The following SYNPO2 variants were observed in gnomAD, a reference collection of about 807,000 sequenced individuals.
SYNPO2 encodes synaptopodin 2.
Under a neutral mutation model 85.0 loss-of-function variants are expected in SYNPO2, and 56 were observed. The ratio of observed to expected loss-of-function variants is 0.66; its 90% CI spans 0.53 to 0.82. SYNPO2 has a LOEUF of 0.82. Ranked by LOEUF, SYNPO2 falls within the 40% of genes least tolerant of loss-of-function variation. The pLI, the probability that SYNPO2 is intolerant of heterozygous loss-of-function variation, is 0.00. For synonymous variants in SYNPO2, 602 were observed against 591.1 expected (o/e 1.02, Z -0.27); for missense variants, 1,575 against 1,534.2 (o/e 1.03, Z -0.44).
chr4:118,988,057 C>T (rs1424738799), intron 1 of SYNPO2, among the ~76,000 whole-genome samples: 1 of 152,160 alleles, frequency 6.6e-6, no homozygotes, highest in Admixed American at 6.5e-5. Flanking sequence ...TCAAACATAA[C>T]AACATGTTTT....
intron 1 of SYNPO2, among the ~76,000 whole-genome samples, chr4:118,944,326 C>T (rs1011474236): frequency 6.6e-6 from 1 of 152,160 alleles, no homozygotes; most frequent in African/African-American, 2.4e-5. Flanking sequence ...GAAACTCATA[C>T]TTCTTGGGAA....
Position 119,023,483 on chromosome 4 carries a change from G to T in SYNPO2, c.159G>T (p.Val53=). The T allele has an allele frequency of 6.2e-7, 1 of 1,613,836 alleles. No homozygotes were observed. Among genetic ancestry groups the T allele is most frequent in the Non-Finnish European group, 8.5e-7 (1 of 1,179,858 alleles). ...SGSGLCEGDE[V]VSINGNPCAD... ...CTGGGCTCTGTGAGGGAGATGAAGTGGTTTCCATCAATGGCAACCCTTGTG... is the reference window on the plus strand; with the variant it reads ...CTGGGCTCTGTGAGGGAGATGAAGTTGTTTCCATCAATGGCAACCCTTGTG... Residue 53 remains valine, a synonymous_variant, in exon 2 of 5, where the codon GTG becomes GTT. Coordinates refer to ENST00000307142, the MANE Select transcript of SYNPO2 (RefSeq NM_133477.3).
At chr4:118,888,134 T>C (rs1262845561), upstream of SYNPO2, among the ~76,000 whole-genome samples, 5 of 151,982 alleles carry the variant, frequency 3.3e-5, no homozygotes, top group African/African-American at 7.3e-5. Context: ...TGACTAACTG[T>C]TGGGTTTGGG....
At chr4:118,924,406 A>G (rs1304489433) in intron 1 of SYNPO2, among the ~76,000 whole-genome samples, 1 of 152,196 alleles carries the variant, frequency 6.6e-6, no homozygotes, top group Non-Finnish European at 1.5e-5. Context: ...CAGAATTATG[A>G]GCATTCTGAG....
At chr4:118,914,098 AG>A (rs1382226826) in intron 1 of SYNPO2, among the ~76,000 whole-genome samples, 1 of 152,206 alleles carries the variant, frequency 6.6e-6, no homozygotes, top group Non-Finnish European at 1.5e-5. Context: ...GGGTCAGGAG[AG>A]GAGTGGACAG....
chr4:119,057,393 GT>G lies in SYNPO2; in HGVS notation c.3253-3del. ...AATGAGATATATTAATATTTTCATT[GT>G]TTTTAGGAGAGTGGGCGCTCCCTTT... On this transcript the variant is annotated splice_region_variant and splice_polypyrimidine_tract_variant and intron_variant, in intron 4 of 4. Coordinates refer to ENST00000307142, the MANE Select transcript of SYNPO2 (RefSeq NM_133477.3). 6.4e-7 allele frequency: 1 copy of G among 1,562,186 alleles called. No homozygotes were observed. The highest frequency in any genetic ancestry group is 8.6e-7 in the Non-Finnish European group (1 of 1,159,750).
intron 1 of SYNPO2, among the ~76,000 whole-genome samples, chr4:118,890,330 G>C (rs1192877231): frequency 6.6e-6 from 1 of 152,144 alleles, no homozygotes; most frequent in Non-Finnish European, 1.5e-5. Context: ...TAGATGAAAA[G>C]CAGAGTTTTT....
At chr4:118,906,689 A>G (rs938580067) in intron 1 of SYNPO2, among the ~76,000 whole-genome samples, 1 of 152,156 alleles carries the variant, frequency 6.6e-6, no homozygotes, top group Non-Finnish European at 1.5e-5. Flanking sequence ...TCTTTGTTTA[A>G]AAAAGAGAAG....
intron 1 of SYNPO2, among the ~76,000 whole-genome samples, chr4:118,953,602 T>C (rs1031380753): frequency 4.7e-5 from 7 of 150,260 alleles, no homozygotes; most frequent in Admixed American, 4.6e-4. Flanking sequence ...ACTGTAGCCT[T>C]TTTTTTTTTG....
Position 118,873,954 on chromosome 4 carries a change from G to C in SYNPO2, c.12+23014G>C, listed in dbSNP as rs555442737. On this transcript the variant is annotated intron_variant, in intron 1 of 4. Transcript: ENST00000610556. ...TAAAAAGAGTGTCCTTTTCCCACCGGCATTTATTAAAAAGAGTGTCCTTTT... is the reference window on the plus strand; with the variant it reads ...TAAAAAGAGTGTCCTTTTCCCACCGCCATTTATTAAAAAGAGTGTCCTTTT... Among the ~76,000 whole-genome samples the C allele has an allele frequency of 2.0e-5, 3 of 151,774 alleles. No individual in the cohort carries two copies. In the East Asian group the frequency reaches 5.8e-4, roughly 29 times the overall value.
At chr4:118,853,629 A>G (rs1462699504) in intron 1 of SYNPO2, among the ~76,000 whole-genome samples, 1 of 148,344 alleles carries the variant, frequency 6.7e-6, no homozygotes, top group Non-Finnish European at 1.5e-5. Flanking sequence ...ATGCAGAGTC[A>G]TAACTGGTAA....
rs1262774352 is a variant in SYNPO2, at chr4:119,060,099, G to C, written c.*2165G>C. On this transcript the variant is annotated 3_prime_UTR_variant, in exon 5 of 5. Coordinates refer to ENST00000307142, the MANE Select transcript of SYNPO2 (RefSeq NM_133477.3). The stretch of plus-strand genomic sequence containing the variant: ...TGCCAGGGCCACGTTCTACTTCATT[G>C]CTTTCTTTTATAAGTGCAAGGAGTT... 1 of 152,088 alleles carries C rather than the reference G, an allele frequency of 6.6e-6. No homozygotes were observed. Among genetic ancestry groups the C allele is most frequent in the Non-Finnish European group, 1.5e-5 (1 of 67,978 alleles). The allele number at this position is 152,088 out of a possible 1,614,324, so 9.4% of individuals were successfully genotyped here. A position where few individuals can be genotyped will look rare whatever the true frequency, so the allele number is the denominator to read the frequency against.
chr4:118,884,585 A>G (rs763797165), upstream of SYNPO2, among the ~76,000 whole-genome samples: 2 of 152,182 alleles, frequency 1.3e-5, no homozygotes, highest in African/African-American at 2.4e-5. Flanking sequence ...CTACTAACCA[A>G]TGGGAAATAG....
chr4:118,919,270 T>C (rs553696941), intron 1 of SYNPO2, among the ~76,000 whole-genome samples: 1 of 152,012 alleles, frequency 6.6e-6, no homozygotes. Flanking sequence ...CCTCCCTGTC[T>C]CTCAAGCTTG....
At chr4:119,016,638 T>A (rs1316766777) in intron 1 of SYNPO2, among the ~76,000 whole-genome samples, 1 of 152,204 alleles carries the variant, frequency 6.6e-6, no homozygotes, top group African/African-American at 2.4e-5. Context: ...CAATCTTTCA[T>A]GATTTATCCA....
intron 1 of SYNPO2, among the ~76,000 whole-genome samples, chr4:118,948,366 A>G (rs1224582605): frequency 1.3e-5 from 2 of 152,256 alleles, no homozygotes; most frequent in Non-Finnish European, 2.9e-5. Flanking sequence ...GGGAATCCAT[A>G]TAAATACACA....
chr4:119,021,212 G>T (rs1183201742), intron 1 of SYNPO2, among the ~76,000 whole-genome samples: 1 of 152,082 alleles, frequency 6.6e-6, no homozygotes, highest in Non-Finnish European at 1.5e-5. Context: ...CATTGTTTTG[G>T]CTCTTAAAGG....
In SYNPO2 at chr4:119,030,116, A is replaced by T; in HGVS notation, c.1341A>T (p.Glu447Asp). The change falls in exon 4 of 5, where the codon GAA (glutamate) becomes GAT (aspartate). Residue 447 changes from glutamate (E) to aspartate (D), a missense_variant. By Grantham distance (45) the Glu-to-Asp change is conservative. Coordinates refer to ENST00000307142, the MANE Select transcript of SYNPO2 (RefSeq NM_133477.3). ...GTGCAAGCGAATCAGAGGTGGATGAAGAGTTATTGTCTGACGTTGACGACA... is the reference window on the plus strand; with the variant it reads ...GTGCAAGCGAATCAGAGGTGGATGATGAGTTATTGTCTGACGTTGACGACA... ...FLGASESEVD[E>D]ELLSDVDDNT... 1 of 1,614,166 alleles carries T rather than the reference A, an allele frequency of 6.2e-7. No homozygotes were observed.
At chr4:118,929,726 A>T (rs1733860333) in intron 1 of SYNPO2, among the ~76,000 whole-genome samples, 1 of 152,194 alleles carries the variant, frequency 6.6e-6, no homozygotes, top group African/African-American at 2.4e-5. Context: ...TCCAAAAAGT[A>T]CATGTGTACA....
Sources: gnomAD v4.1 joint callset for allele counts (sites outside exome capture counted in the v4.1 genomes callset) on GRCh38, gnomAD v4.1.1 for gene constraint, MANE v1.5 for transcripts, NCBI Gene and HGNC (gene_info 2026-07-23, HGNC 2026-07-21) for gene names.